RIC1: variants seen among roughly 807,000 people sequenced by gnomAD.
RIC1 encodes the protein RIC1 partner of RAB6A GEF complex, also known as guanine nucleotide exchange factor subunit RIC1.
RIC1 carries 88 observed loss-of-function variants against 169.0 expected under a neutral mutation model. The ratio of observed to expected loss-of-function variants is 0.52; its 90% confidence interval spans 0.44 to 0.62. The LOEUF is 0.62. RIC1 is among the 20% of genes least tolerant of loss of function. The probability of loss-of-function intolerance (pLI) is 0.00; values close to 1 mark genes in which losing one functional copy is unlikely to be tolerated. For synonymous variants in RIC1, 790 were observed against 601.5 expected (o/e 1.31, Z -4.59); for missense variants, 1,877 against 1,725.5 (o/e 1.09, Z -1.56).
At chr9:5,773,769 AATG>A (rs1827394716) in intron 25 of RIC1, among the ~76,000 whole-genome samples, 186 bp from the exon 26 acceptor site, 1 of 152,150 alleles carries the variant, frequency 6.6e-6, no homozygotes, top group East Asian at 1.9e-4. Context: ...AGGCTTATGC[AATG>A]TGCAGCCCCC....
intron 16 of RIC1, 59 bp downstream of exon 16, chr9:5,756,431 G>A: frequency 1.7e-6 from 2 of 1,169,694 alleles, no homozygotes; most frequent in Non-Finnish European, 2.3e-6. Flanking sequence ...TTTCTCTTTT[G>A]TAGTTTTTGT....
intron 12 of RIC1, among the ~76,000 whole-genome samples, chr9:5,752,284 A>C (rs1208618951): frequency 6.6e-6 from 1 of 152,128 alleles, no homozygotes; most frequent in African/African-American, 2.4e-5. Context: ...AGTAAGTCAA[A>C]TACCCCAATA....
intron 3 of RIC1, among the ~76,000 whole-genome samples, chr9:5,707,084 ATG>A (rs1563915942): frequency 6.6e-6 from 1 of 152,036 alleles, no homozygotes; most frequent in Non-Finnish European, 1.5e-5. Context: ...ATAACGTTGC[ATG>A]TTTGTTTTCA....
intron 3 of RIC1, among the ~76,000 whole-genome samples, chr9:5,711,915 A>C (rs201516657): frequency 2.0e-5 from 3 of 152,076 alleles, no homozygotes; most frequent in Admixed American, 2.0e-4. Context: ...TCATCCTTTT[A>C]TATGGCTGCA....
At chr9:5,706,134 C>G (rs1331382035) in intron 3 of RIC1, among the ~76,000 whole-genome samples, 1 of 152,090 alleles carries the variant, frequency 6.6e-6, no homozygotes, top group African/African-American at 2.4e-5. Context: ...CTTTGTCTGA[C>G]TTTGGTATCA....
Position 5,765,723 on chromosome 9 carries a change from C to T in RIC1, c.3062C>T (p.Ser1021Leu). ...FRNRSISLSQ[S>L]AENVPASKFS... Reference sequence around the variant, plus strand: ...AATCGAAGCATCAGTTTATCCCAGTCAGCTGAAAATGTTCCTGCCAGTAAA... The same window carrying T: ...AATCGAAGCATCAGTTTATCCCAGTTAGCTGAAAATGTTCCTGCCAGTAAA... Residue 1021 changes from serine (S) to leucine (L), a missense_variant, in exon 21 of 26, where the codon TCA (serine) becomes TTA (leucine). Physicochemically the swap from Ser to Leu is moderately radical, Grantham distance 145. Around this residue, in one of 3 missense-constraint regions of RIC1, gnomAD observed 681 missense variants for 582.0 expected, o/e 1.17. Transcript: ENST00000414202. The T allele has an allele frequency of 6.2e-7, 1 of 1,614,140 alleles. No individual in the cohort carries two copies. The highest frequency in any genetic ancestry group is 1.1e-5 in the South Asian group (1 of 91,076).
chr9:5,677,946 C>T (rs1039005890), intron 2 of RIC1, among the ~76,000 whole-genome samples: 1 of 151,774 alleles, frequency 6.6e-6, no homozygotes, highest in African/African-American at 2.4e-5. Context: ...GTGTGATGCA[C>T]CCATTAACTC....
chr9:5,684,629 A>C (rs1821096294), intron 2 of RIC1, among the ~76,000 whole-genome samples: 1 of 152,118 alleles, frequency 6.6e-6, no homozygotes, highest in Non-Finnish European at 1.5e-5. Context: ...TATTATAGTT[A>C]ATTCCATTAG....
chr9:5,731,906 T>C (rs1464991966), intron 6 of RIC1, among the ~76,000 whole-genome samples: 3 of 152,152 alleles, frequency 2.0e-5, no homozygotes, highest in Non-Finnish European at 4.4e-5. Flanking sequence ...CATTACACTA[T>C]AAAGAAGGGA....
chr9:5,702,785 A>T (rs779506490), intron 3 of RIC1, among the ~76,000 whole-genome samples: 2 of 152,078 alleles, frequency 1.3e-5, no homozygotes, highest in Non-Finnish European at 2.9e-5. Flanking sequence ...GAGCTCAGGC[A>T]TTCTGCCCGA....
chr9:5,764,635 G>T (rs1826576145), intron 19 of RIC1, among the ~76,000 whole-genome samples: 1 of 152,204 alleles, frequency 6.6e-6, no homozygotes, highest in Non-Finnish European at 1.5e-5. Context: ...ACAATGAACT[G>T]AAACCAGAGG....
intron 23 of RIC1, among the ~76,000 whole-genome samples, chr9:5,770,758 C>T (rs1356015457): frequency 1.3e-5 from 2 of 152,126 alleles, no homozygotes; most frequent in Admixed American, 1.3e-4. Context: ...TAAGTTCCTA[C>T]ATAATATCCT....
chr9:5,700,483 C>G (rs145018953), intron 3 of RIC1, among the ~76,000 whole-genome samples: 2 of 152,006 alleles, frequency 1.3e-5, no homozygotes, highest in Non-Finnish European at 2.9e-5. Context: ...GTTCCATCTA[C>G]AAATCTTAAA....
At position 5,765,517 on chromosome 9, in the gene RIC1, T is replaced by G. The variant is rs1184876499; in HGVS notation, c.2945T>G (p.Leu982Arg). The change falls in exon 20 of 26, where the codon CTT becomes CGT. Residue 982 changes from leucine (L) to arginine (R), a missense_variant. Coordinates refer to ENST00000414202, the MANE Select transcript of RIC1 (RefSeq NM_020829.4). ...CTTTGTCGACACATGATTCGATTTCTTAAAGCCATTGGCTCTGGAGAATCT... is the reference window on the plus strand; with the variant it reads ...CTTTGTCGACACATGATTCGATTTCGTAAAGCCATTGGCTCTGGAGAATCT... Reference protein sequence around the residue: ...WDLCRHMIRFLKAIGSGESET... With the variant: ...WDLCRHMIRFRKAIGSGESET... 6.2e-7 allele frequency: 1 copy of G among 1,614,212 alleles called. No individual in the cohort carries two copies.
intron 6 of RIC1, among the ~76,000 whole-genome samples, chr9:5,727,254 T>A (rs113220134): frequency 6.6e-6 from 1 of 152,186 alleles, no homozygotes; most frequent in Admixed American, 6.5e-5. Context: ...TGTTCATTTC[T>A]TTTTACTCTT....
At position 5,648,580 on chromosome 9, in the gene RIC1, C is replaced by G. The variant is rs1586877368; in HGVS notation, c.145-8003C>G. ...GGATCATATGGTAGTTCTATTTTTA[C>G]TTTTCGAGAAATCTTCATACTGTTT... On this transcript the variant is annotated intron_variant, in intron 1 of 25. Coordinates refer to ENST00000414202, the MANE Select transcript of RIC1 (RefSeq NM_020829.4). Among the ~76,000 whole-genome samples the G allele has an allele frequency of 2.6e-5, 4 of 152,252 alleles. No homozygotes were observed. The South Asian group carries it at 8.3e-4, about 32-fold the overall frequency.
At chr9:5,673,920 A>G (rs1205694589) in intron 2 of RIC1, among the ~76,000 whole-genome samples, 2 of 152,162 alleles carry the variant, frequency 1.3e-5, no homozygotes, top group Non-Finnish European at 2.9e-5. Context: ...ATAAAAGCAG[A>G]TTATAAAACT....
chr9:5,694,920 C>T (rs1586963165), intron 3 of RIC1, among the ~76,000 whole-genome samples: 1 of 151,738 alleles, frequency 6.6e-6, no homozygotes, highest in African/African-American at 2.4e-5. Context: ...TTGTCCAGCT[C>T]TAGGCACTGT....
chr9:5,634,428 A>G (rs1055604786), intron 1 of RIC1, among the ~76,000 whole-genome samples: 1 of 152,182 alleles, frequency 6.6e-6, no homozygotes, highest in Non-Finnish European at 1.5e-5. Flanking sequence ...ATATCCTAAC[A>G]GGTGTGAGGT....
Sources: allele counts gnomAD v4.1 joint callset (sites outside exome capture counted in the v4.1 genomes callset), GRCh38; gene constraint gnomAD v4.1.1; regional missense constraint gnomAD v4.1.1; transcripts MANE v1.5; gene names NCBI Gene and HGNC (gene_info 2026-07-23, HGNC 2026-07-21).